The following SOX5 variants were observed in gnomAD, a reference collection of about 807,000 sequenced individuals.
SOX5 encodes the protein transcription factor SOX-5.
SOX5 carries 9 observed loss-of-function variants against 92.0 expected under a neutral mutation model. The observed-to-expected ratio is 0.10, with a 90% CI of 0.06 to 0.17. SOX5 has a LOEUF of 0.17. Among genes scored for constraint, SOX5 ranks in the 10% least tolerant of loss-of-function variants. The pLI is 1.00. For missense variants in SOX5, 642 were observed against 944.5 expected (o/e 0.68, Z 4.20); for synonymous variants, 344 against 336.3 (o/e 1.02, Z -0.25).
At chr12:24,381,721 T>C (rs1470678186) in intron 1 of SOX5, among the ~76,000 whole-genome samples, 1 of 152,226 alleles carries the variant, frequency 6.6e-6, no homozygotes, top group Non-Finnish European at 1.5e-5. Flanking sequence ...ATGAGCCTCA[T>C]ACAGTGACCC....
rs76130454 is a variant in SOX5, at chr12:24,210,530, T to C, written c.-2+2813A>G. ...TAGGAGATAAAATTCAGGACTTCTT[T>C]CTGGACTTACAGAAAGTTATGTGGT... is the stretch of plus-strand genomic sequence containing the variant. On this transcript the variant is annotated intron_variant, in intron 4 of 4. Coordinates refer to the SOX5 transcript ENST00000446891. Among the ~76,000 whole-genome samples, 501 of 152,346 alleles carry C rather than the reference T, an allele frequency of 3.3e-3. 2 individuals are homozygous for C. Among genetic ancestry groups the C allele is most frequent in the Non-Finnish European group, 3.2e-3 (218 of 68,026 alleles).
intron 2 of SOX5, among the ~76,000 whole-genome samples, chr12:24,304,580 C>G (rs1302567889): frequency 6.6e-6 from 1 of 152,156 alleles, no homozygotes; most frequent in Non-Finnish European, 1.5e-5. Context: ...CTCCACAGCA[C>G]TGGTGTTTTG....
In SOX5 at chr12:24,393,833, T is replaced by G. The variant is rs1443168309; in HGVS notation, c.-250-25194A>C. Among the ~76,000 whole-genome samples the G allele has an allele frequency of 6.6e-6, 1 of 152,172 alleles. No individual in the cohort carries two copies. Among genetic ancestry groups the G allele is most frequent in the Non-Finnish European group, 1.5e-5 (1 of 68,024 alleles). On this transcript the variant is annotated intron_variant, in intron 1 of 4. Transcript: ENST00000446891. This position sits in a 1 kb window ranked among gnomAD's most constrained non-coding sequence, Gnocchi z 5.0. ...TTACATATGCAATACAACACATACC[T>G]CTTTCTTCAAAAGTTTAAAAGAGAA...
intron 3 of SOX5, among the ~76,000 whole-genome samples, chr12:24,276,127 C>T (rs1944403114): frequency 6.6e-6 from 1 of 151,952 alleles, no homozygotes; most frequent in South Asian, 2.1e-4. Context: ...TGCCTGTAAA[C>T]CTATAGAATT....
At chr12:23,859,026 G>GT (rs1352852975) in intron 2 of SOX5, among the ~76,000 whole-genome samples, 1 of 152,180 alleles carries the variant, frequency 6.6e-6, no homozygotes, top group African/African-American at 2.4e-5. Context: ...AGCTGAGGAT[G>GT]TATGTCACTT....
At chr12:24,219,881 T>G (rs1250420399) in intron 3 of SOX5, among the ~76,000 whole-genome samples, 1 of 152,128 alleles carries the variant, frequency 6.6e-6, no homozygotes, top group Non-Finnish European at 1.5e-5. Context: ...AATGGAGAGA[T>G]AAAAATAACA....
At chr12:23,951,544 C>T (rs1301408144), upstream of SOX5, among the ~76,000 whole-genome samples, 1 of 151,980 alleles carries the variant, frequency 6.6e-6, no homozygotes, top group Non-Finnish European at 1.5e-5. Context: ...CAATTATGAA[C>T]TTATATTAGT....
At chr12:24,269,839 A>AT (rs56939628) in intron 3 of SOX5, among the ~76,000 whole-genome samples, 944 of 62,110 alleles carry the variant, frequency 0.015, 83 homozygotes, top group South Asian at 0.027. Context: ...CCACCATGCA[A>AT]TTTTTTTTTT....
chr12:24,140,390 A>T (rs1275723634), intron 4 of SOX5, among the ~76,000 whole-genome samples: 1 of 152,186 alleles, frequency 6.6e-6, no homozygotes, highest in East Asian at 1.9e-4. Context: ...ATACAAATTA[A>T]GGGTGTAAAT....
At chr12:24,000,910 A>G (rs1325268681) in intron 4 of SOX5, among the ~76,000 whole-genome samples, 2 of 152,202 alleles carry the variant, frequency 1.3e-5, no homozygotes, top group Non-Finnish European at 2.9e-5. Flanking sequence ...AGGATATACA[A>G]GAATTGAACA....
At chr12:24,050,077 G>A (rs1385306689) in intron 4 of SOX5, among the ~76,000 whole-genome samples, 2 of 88,282 alleles carry the variant, frequency 2.3e-5, no homozygotes, top group African/African-American at 4.2e-5. Context: ...TGCTGTGGGC[G>A]CAGAGGCAAA....
At chr12:23,719,926 A>T (rs1487174543) in intron 6 of SOX5, among the ~76,000 whole-genome samples, 1 of 152,158 alleles carries the variant, frequency 6.6e-6, no homozygotes, top group Non-Finnish European at 1.5e-5. Context: ...GTACAAAGCA[A>T]TCAGGTAAGA....
At chr12:24,405,116 G>A (rs1187726726) in intron 1 of SOX5, among the ~76,000 whole-genome samples, 4 of 152,092 alleles carry the variant, frequency 2.6e-5, no homozygotes, top group Admixed American at 6.6e-5. Context: ...ACTGTGGGAC[G>A]ATCAATTTCT....
At chr12:23,880,558 C>T (rs1055069250) in intron 2 of SOX5, among the ~76,000 whole-genome samples, 5 of 152,196 alleles carry the variant, frequency 3.3e-5, no homozygotes, top group African/African-American at 7.2e-5. Flanking sequence ...AACTTTCTCT[C>T]TCTTTTCTCT....
chr12:23,738,745 T>C (rs968171061), intron 5 of SOX5, among the ~76,000 whole-genome samples: 3 of 152,112 alleles, frequency 2.0e-5, no homozygotes, highest in Non-Finnish European at 4.4e-5. Flanking sequence ...ACAAAAAATA[T>C]CCCCAGCCAA....
chr12:24,490,608 T>C (rs912922223), intron 1 of SOX5, among the ~76,000 whole-genome samples: 4 of 152,076 alleles, frequency 2.6e-5, no homozygotes, highest in African/African-American at 9.7e-5. Flanking sequence ...AATGGTTACA[T>C]GGGCAGCTCA....
intron 2 of SOX5, among the ~76,000 whole-genome samples, chr12:24,361,467 C>G (rs1276096745): frequency 6.6e-6 from 1 of 152,098 alleles, no homozygotes. Flanking sequence ...TCATGGGGTA[C>G]TGTAGGAGGC....
intron 6 of SOX5, among the ~76,000 whole-genome samples, chr12:23,718,448 T>C (rs1322343934): frequency 6.6e-6 from 1 of 152,200 alleles, no homozygotes; most frequent in Non-Finnish European, 1.5e-5. Flanking sequence ...GGAATCAACA[T>C]CTTAAGGTTC....
At chr12:23,802,064 T>TTTTC (rs1193878575) in intron 3 of SOX5, among the ~76,000 whole-genome samples, 1 of 152,000 alleles carries the variant, frequency 6.6e-6, no homozygotes, top group Non-Finnish European at 1.5e-5. Flanking sequence ...ATTCTTTTCT[T>TTTTC]TTTCTTTCTT....
Sources: gnomAD v4.1 joint callset for allele counts (sites outside exome capture counted in the v4.1 genomes callset) on GRCh38, gnomAD v4.1.1 for gene constraint, Gnocchi (gnomAD v3.1) non-coding constraint, MANE v1.5 for transcripts, NCBI Gene and HGNC (gene_info 2026-07-23, HGNC 2026-07-21) for gene names.